The following SCAPER variants were observed in gnomAD, a reference collection of about 807,000 sequenced individuals.
The protein encoded by SCAPER is S-phase cyclin A associated protein in the ER.
Under a neutral mutation model 182.2 loss-of-function variants are expected in SCAPER, and 98 were observed. The observed-to-expected ratio is 0.54, with a 90% CI of 0.46 to 0.64. SCAPER has a LOEUF of 0.64. Ranked by LOEUF, SCAPER falls within the 30% of genes least tolerant of loss-of-function variation. SCAPER has a pLI of 0.00. For missense variants in SCAPER, 1,432 were observed against 1,690.0 expected (o/e 0.85, Z 2.68); for synonymous variants, 605 against 564.6 (o/e 1.07, Z -1.01).
chr15:76,772,078 A>T, intron 9 of SCAPER, 124 bp from the exon 10 acceptor site: 2 of 684,998 alleles, frequency 2.9e-6, no homozygotes, highest in Non-Finnish European at 4.8e-6. Flanking sequence ...ACTGGATGAC[A>T]GAAAATTTAC....
intron 22 of SCAPER, among the ~76,000 whole-genome samples, chr15:76,593,173 ATTT>A (rs1294449254): frequency 8.3e-6 from 1 of 120,824 alleles, no homozygotes; most frequent in African/African-American, 2.5e-5. Flanking sequence ...TGCGTAGGCA[ATTT>A]TCCCCTCACA....
intron 29 of SCAPER, among the ~76,000 whole-genome samples, chr15:76,373,604 G>C (rs920734800): frequency 2.0e-5 from 3 of 152,152 alleles, no homozygotes; most frequent in Non-Finnish European, 1.5e-5. Context: ...GGTAGGAGGG[G>C]AGAAAAAGCT....
intron 15 of SCAPER, among the ~76,000 whole-genome samples, chr15:76,743,331 G>A (rs371578727): frequency 1.3e-5 from 2 of 152,094 alleles, no homozygotes; most frequent in African/African-American, 4.8e-5. Context: ...GTGGGCAAGT[G>A]GTAGCAAGGT....
chr15:76,476,594 A>ATTT (rs1363321569), intron 24 of SCAPER, among the ~76,000 whole-genome samples: 7 of 71,824 alleles, frequency 9.7e-5, no homozygotes, highest in South Asian at 6.6e-4. Context: ...ACACCCAGCT[A>ATTT]ATTTTTTTTT....
intron 23 of SCAPER, among the ~76,000 whole-genome samples, chr15:76,505,365 C>T (rs1184188575): frequency 6.6e-6 from 1 of 152,008 alleles, no homozygotes; most frequent in Non-Finnish European, 1.5e-5. Flanking sequence ...GGATTAACAA[C>T]CAGAATATAT....
intron 8 of SCAPER, among the ~76,000 whole-genome samples, chr15:76,777,945 G>C (rs990864498): frequency 3.3e-5 from 5 of 151,986 alleles, no homozygotes; most frequent in Non-Finnish European, 4.4e-5. Context: ...CCTACAGTTG[G>C]GCAAAATCAT....
intron 29 of SCAPER, among the ~76,000 whole-genome samples, chr15:76,371,035 T>A (rs1221921906): frequency 2.6e-5 from 4 of 152,188 alleles, no homozygotes; most frequent in African/African-American, 4.8e-5. Context: ...CCTGGCCTTC[T>A]TAAGCAACGT....
chr15:76,693,273 G>T (rs775885069), intron 20 of SCAPER, among the ~76,000 whole-genome samples: 1 of 152,098 alleles, frequency 6.6e-6, no homozygotes, highest in South Asian at 2.1e-4. Context: ...TGAAAGAAAT[G>T]AATTGCTAAT....
chr15:76,769,499 G>A (rs2063328919), intron 10 of SCAPER, among the ~76,000 whole-genome samples: 3 of 150,686 alleles, frequency 2.0e-5, no homozygotes, highest in Non-Finnish European at 4.4e-5. Flanking sequence ...ATCAAAAAGT[G>A]GGCAAAGGAT....
At chr15:76,615,217 G>T (rs187241170) in intron 22 of SCAPER, among the ~76,000 whole-genome samples, 8 of 152,070 alleles carry the variant, frequency 5.3e-5, no homozygotes, top group African/African-American at 1.4e-4. Flanking sequence ...GCTGAGGGGG[G>T]GCGGATTGCT....
intron 17 of SCAPER, among the ~76,000 whole-genome samples, chr15:76,717,811 A>G (rs114221581): frequency 0.028 from 4,229 of 152,246 alleles, 178 homozygotes; most frequent in African/African-American, 0.091. Flanking sequence ...ATATTAATGG[A>G]CATGAAGGGA....
At chr15:76,414,082 T>C (rs1005055412) in intron 26 of SCAPER, among the ~76,000 whole-genome samples, 1 of 152,198 alleles carries the variant, frequency 6.6e-6, no homozygotes, top group Non-Finnish European at 1.5e-5. Flanking sequence ...ATTTAATTGC[T>C]ACATTTATGT....
chr15:76,861,061 G>A (rs1599155400), intron 3 of SCAPER, among the ~76,000 whole-genome samples: 1 of 152,132 alleles, frequency 6.6e-6, no homozygotes, highest in Non-Finnish European at 1.5e-5. Flanking sequence ...TAAAAATAAA[G>A]AGGAGATGGT....
intron 15 of SCAPER, among the ~76,000 whole-genome samples, chr15:76,746,243 T>C (rs1391924099): frequency 5.9e-5 from 9 of 152,226 alleles, no homozygotes; most frequent in Admixed American, 5.9e-4. Context: ...CCATGGGGGA[T>C]TGATTCCAGG....
At position 76,862,459 on chromosome 15, in the gene SCAPER, G is replaced by C. The variant is rs767159074; in HGVS notation, c.81C>G (p.Asn27Lys). The change falls in exon 3 of 32, where the codon AAC becomes AAG. Residue 27 changes from asparagine to lysine, a missense_variant. Physicochemically the swap from Asn to Lys is moderately conservative, Grantham distance 94. Coordinates refer to ENST00000563290, the MANE Select transcript of SCAPER (RefSeq NM_020843.4). ...IVAEEGRTARNLIAWSVPLES... is the reference protein window; with the variant it reads ...IVAEEGRTARKLIAWSVPLES... The stretch of plus-strand genomic sequence containing the variant: ...CTAGTGGAACACTCCAAGCTATTAG[G>C]TTTCTTGCTGTACGACCCTCCTCTG... 1 of 1,613,104 alleles carries C rather than the reference G, an allele frequency of 6.2e-7. No homozygotes were observed. Among genetic ancestry groups the C allele is most frequent in the South Asian group, 1.1e-5 (1 of 91,034 alleles).
intron 20 of SCAPER, among the ~76,000 whole-genome samples, chr15:76,686,105 A>G (rs1404436461): frequency 6.6e-6 from 1 of 152,018 alleles, no homozygotes; most frequent in Non-Finnish European, 1.5e-5. Context: ...TTTTCCTAAT[A>G]GATATAAGAA....
chr15:76,782,038 A>G (rs1376953978), intron 8 of SCAPER, among the ~76,000 whole-genome samples: 1 of 152,196 alleles, frequency 6.6e-6, no homozygotes, highest in Non-Finnish European at 1.5e-5. Context: ...ACACATAATA[A>G]TATTAACCTT....
chr15:76,376,144 C>A lies in SCAPER; in HGVS notation c.3855+18G>T, dbSNP rs374119195. ...AGCACTGGGGGAGCAGTCTAAGGAA[C>A]TTTCCAGGGCCTCTTACCTGGTTAT... On this transcript the variant is annotated intron_variant, in intron 29 of 31. Coordinates refer to ENST00000563290, the MANE Select transcript of SCAPER (RefSeq NM_020843.4). 287 of 1,613,190 alleles carry A rather than the reference C, an allele frequency of 1.8e-4. 1 individual carries two copies. Among genetic ancestry groups the A allele is most frequent in the Non-Finnish European group, 3.1e-5 (37 of 1,179,508 alleles).
chr15:76,411,280 C>T (rs2142217399), intron 26 of SCAPER, among the ~76,000 whole-genome samples: 1 of 152,172 alleles, frequency 6.6e-6, no homozygotes, highest in East Asian at 1.9e-4. Flanking sequence ...GCATGCCCAA[C>T]CTGAAAATAC....
Sources: gnomAD v4.1 joint callset for allele counts (sites outside exome capture counted in the v4.1 genomes callset) on GRCh38, gnomAD v4.1.1 for gene constraint, MANE v1.5 for transcripts, NCBI Gene and HGNC (gene_info 2026-07-23, HGNC 2026-07-21) for gene names.